Variants in ST8SIA4 observed in about 807,000 individuals in gnomAD.
ST8SIA4 encodes the protein ST8 alpha-N-acetyl-neuraminide alpha-2,8-sialyltransferase 4.
Under a neutral mutation model 33.9 loss-of-function variants are expected in ST8SIA4, and 15 were observed. That is an observed-to-expected ratio of 0.44 (90% CI 0.30 to 0.68). The LOEUF (loss-of-function observed/expected upper bound fraction) is 0.68. Among genes scored for constraint, ST8SIA4 ranks in the 30% least tolerant of loss-of-function variants. The probability of loss-of-function intolerance (pLI) is 0.10; values close to 1 mark genes in which losing one functional copy is unlikely to be tolerated. For missense variants in ST8SIA4, 321 were observed against 428.0 expected (o/e 0.75, Z 2.21); for synonymous variants, 171 against 151.2 (o/e 1.13, Z -0.96).
At chr5:100,889,862 ATAG>A (rs1752621662) in intron 2 of ST8SIA4, among the ~76,000 whole-genome samples, 2 of 151,910 alleles carry the variant, frequency 1.3e-5, no homozygotes, top group Admixed American at 6.6e-5. Flanking sequence ...AGCAGTGAAA[ATAG>A]TAAAAGTGAT....
intron 1 of ST8SIA4, among the ~76,000 whole-genome samples, chr5:100,898,433 T>TA (rs2112485945): frequency 6.6e-6 from 1 of 152,358 alleles, no homozygotes; most frequent in South Asian, 2.1e-4. Flanking sequence ...ATCCAAGATT[T>TA]AAAAAGTTTA....
At chr5:100,824,091 T>C (rs986595119) in intron 4 of ST8SIA4, among the ~76,000 whole-genome samples, 1 of 152,224 alleles carries the variant, frequency 6.6e-6, no homozygotes, top group Non-Finnish European at 1.5e-5. Flanking sequence ...ACTTGTTTGA[T>C]GATTGGTTCT....
chr5:100,888,213 ACAT>A lies in ST8SIA4; in HGVS notation c.246-1616_246-1614del, dbSNP rs149065239. Among the ~76,000 whole-genome samples the A allele has an allele frequency of 2.5e-3, 384 of 151,248 alleles. 1 individual carries two copies. Among genetic ancestry groups the A allele is most frequent in the African/African-American group, 9.2e-3 (378 of 41,244 alleles). ...GTAGATTTTAAGGAAAAAAAAAAAAACATATATATATATGGCTTTAATATCTGA... is the reference window on the plus strand; with the variant it reads ...GTAGATTTTAAGGAAAAAAAAAAAAAATATATATATGGCTTTAATATCTGA... On this transcript the variant is annotated intron_variant, in intron 2 of 4. Coordinates refer to ENST00000231461, the MANE Select transcript of ST8SIA4 (RefSeq NM_005668.6).
At chr5:100,879,770 G>A (rs186103724) in intron 3 of ST8SIA4, among the ~76,000 whole-genome samples, 1 of 152,308 alleles carries the variant, frequency 6.6e-6, no homozygotes, top group African/African-American at 2.4e-5. Context: ...TTTGCTTGGT[G>A]AGATGGTGGG....
intron 4 of ST8SIA4, among the ~76,000 whole-genome samples, chr5:100,812,409 T>A (rs182685369): frequency 1.3e-5 from 2 of 152,202 alleles, no homozygotes; most frequent in Admixed American, 1.3e-4. Context: ...TTGAAATGAA[T>A]AATAGCAAAC....
chr5:100,861,230 A>G (rs1325608758), intron 3 of ST8SIA4, among the ~76,000 whole-genome samples: 1 of 152,108 alleles, frequency 6.6e-6, no homozygotes, highest in African/African-American at 2.4e-5. Flanking sequence ...AACAATACCA[A>G]TTGTTGAAAT....
At chr5:100,855,112 G>T (rs1299580033) in intron 4 of ST8SIA4, among the ~76,000 whole-genome samples, 2 of 152,002 alleles carry the variant, frequency 1.3e-5, no homozygotes, top group East Asian at 3.9e-4. Flanking sequence ...TATTCCATAC[G>T]TTTACTGTGC....
intron 4 of ST8SIA4, among the ~76,000 whole-genome samples, chr5:100,853,249 G>T (rs7447673): frequency 0.28 from 42,709 of 151,984 alleles, 6,242 homozygotes; most frequent in Non-Finnish European, 0.32. Flanking sequence ...ACACACATTA[G>T]GTCAAAACGC....
chr5:100,842,490 A>G, intron 4 of ST8SIA4, among the ~76,000 whole-genome samples: 1 of 151,842 alleles, frequency 6.6e-6, no homozygotes, highest in South Asian at 2.1e-4. Flanking sequence ...ACAAAGCTGA[A>G]AATTTTGATA....
In ST8SIA4 at chr5:100,886,495, T is replaced by C. The variant is rs111610860; in HGVS notation, c.351A>G (p.Thr117=). Residue 117 remains threonine (T), a synonymous_variant, in exon 3 of 5, where the codon ACA becomes ACG. Transcript: ENST00000231461. ...VIHYVLDRRR[T]LNISHDLHSL... ...TATGTAGATCATGAGAAATGTTTAG[T>C]GTCCGGCGCCTGTCAAGCACATAGT... The C allele has an allele frequency of 3.7e-6, 6 of 1,613,938 alleles. No homozygotes were observed. The South Asian group carries it at 6.6e-5, about 18-fold the overall frequency.
chr5:100,882,131 G>C (rs1449044907), intron 3 of ST8SIA4, among the ~76,000 whole-genome samples: 1 of 152,240 alleles, frequency 6.6e-6, no homozygotes, highest in African/African-American at 2.4e-5. Flanking sequence ...ATGTGGGAAA[G>C]TTTGGAACTT....
intron 3 of ST8SIA4, among the ~76,000 whole-genome samples, chr5:100,883,593 C>G (rs1580481089): frequency 6.6e-6 from 1 of 152,128 alleles, no homozygotes; most frequent in South Asian, 2.1e-4. Flanking sequence ...TGGCTGTGTC[C>G]TCACCTAAAT....
At chr5:100,863,507 C>A (rs1424914625) in intron 3 of ST8SIA4, among the ~76,000 whole-genome samples, 1 of 152,108 alleles carries the variant, frequency 6.6e-6, no homozygotes, top group African/African-American at 2.4e-5. Context: ...AAAATCCACT[C>A]ATGGAGTTTA....
chr5:100,901,857 C>G (rs1752925048), intron 1 of ST8SIA4, among the ~76,000 whole-genome samples: 1 of 152,182 alleles, frequency 6.6e-6, no homozygotes, highest in East Asian at 1.9e-4. Flanking sequence ...CTCTCTCTCT[C>G]TCACACACAC....
At chr5:100,818,304 T>C (rs531872078) in intron 4 of ST8SIA4, among the ~76,000 whole-genome samples, 1 of 152,192 alleles carries the variant, frequency 6.6e-6, no homozygotes, top group African/African-American at 2.4e-5. Context: ...CTGTATGGTG[T>C]TATGGTGATT....
At chr5:100,847,637 G>C (rs1377782164) in intron 4 of ST8SIA4, among the ~76,000 whole-genome samples, 2 of 151,972 alleles carry the variant, frequency 1.3e-5, no homozygotes, top group Non-Finnish European at 2.9e-5. Flanking sequence ...TTATTTGTTA[G>C]AAACCATAAA....
intron 4 of ST8SIA4, among the ~76,000 whole-genome samples, chr5:100,851,082 C>G (rs1751688523): frequency 6.6e-6 from 1 of 150,628 alleles, no homozygotes; most frequent in African/African-American, 2.4e-5. Context: ...GCCTCAGCTT[C>G]CCTAGTAGCT....
At chr5:100,823,469 C>G (rs778280426) in intron 4 of ST8SIA4, among the ~76,000 whole-genome samples, 2 of 152,200 alleles carry the variant, frequency 1.3e-5, no homozygotes, top group African/African-American at 4.8e-5. Flanking sequence ...TTCTTTCTTA[C>G]GTGAGATCCA....
intron 2 of ST8SIA4, among the ~76,000 whole-genome samples, chr5:100,889,288 G>A (rs1386993850): frequency 2.0e-5 from 3 of 151,830 alleles, no homozygotes; most frequent in Non-Finnish European, 4.4e-5. Context: ...CTGTGAAAAC[G>A]ACAAGGCTGG....
Sources: gnomAD v4.1 joint callset for allele counts (sites outside exome capture counted in the v4.1 genomes callset) on GRCh38, gnomAD v4.1.1 for gene constraint, MANE v1.5 for transcripts, NCBI Gene and HGNC (gene_info 2026-07-23, HGNC 2026-07-21) for gene names.